IL3RA: variants seen among roughly 807,000 people sequenced by gnomAD.
The protein encoded by IL3RA is interleukin-3 receptor subunit alpha.
Under a neutral mutation model 52.3 loss-of-function variants are expected in IL3RA, and 73 were observed. The observed-to-expected ratio is 1.40, with a 90% CI of 1.16 to 1.70. IL3RA has a LOEUF of 1.70. Ranked by LOEUF, IL3RA falls within the 40% of genes most tolerant of loss-of-function variation. The pLI is 0.00. For missense variants in IL3RA, 664 were observed against 504.4 expected (o/e 1.32, Z -3.03); for synonymous variants, 260 against 194.0 (o/e 1.34, Z -2.83).
chrX:1,356,611 T>C (rs1362024984), intron 7 of IL3RA, among the ~76,000 whole-genome samples: 2 of 151,748 alleles, frequency 1.3e-5, no homozygotes, highest in Admixed American at 6.6e-5. Flanking sequence ...CTACTAAAAA[T>C]ACGAAAAAAA....
At chrX:1,343,800 T>C (rs1371500567) in intron 2 of IL3RA, among the ~76,000 whole-genome samples, 2 of 143,706 alleles carry the variant, frequency 1.4e-5, no homozygotes, top group African/African-American at 5.5e-5. Context: ...GAGACGGAGT[T>C]TTTTTGTTTT....
At chrX:1,378,001 G>A (rs1267935820) in intron 9 of IL3RA, among the ~76,000 whole-genome samples, 1 of 151,162 alleles carries the variant, frequency 6.6e-6, no homozygotes, top group Non-Finnish European at 1.5e-5. Flanking sequence ...GCCTAACGAA[G>A]ATGGTGAAAC....
chrX:1,366,462 G>C (rs2088048101), intron 9 of IL3RA, among the ~76,000 whole-genome samples: 1 of 75,594 alleles, frequency 1.3e-5, no homozygotes, highest in Non-Finnish European at 2.6e-5. Flanking sequence ...CGGGTGCGCG[G>C]GGTGAGCGGG....
intron 6 of IL3RA, among the ~76,000 whole-genome samples, chrX:1,353,583 TTC>T: frequency 1.1e-5 from 1 of 92,040 alleles, no homozygotes; most frequent in Non-Finnish European, 2.2e-5. Context: ...CCATCATGGG[TTC>T]CACATGGGAT....
At chrX:1,361,644 T>G (rs2087381678) in intron 8 of IL3RA, among the ~76,000 whole-genome samples, 4 of 151,102 alleles carry the variant, frequency 2.6e-5, no homozygotes, top group African/African-American at 9.7e-5. Flanking sequence ...TCCCAGCTAC[T>G]CGGGAGGCTG....
intron 6 of IL3RA, among the ~76,000 whole-genome samples, chrX:1,353,813 C>CCA (rs1556623627): frequency 5.6e-5 from 8 of 143,786 alleles, no homozygotes; most frequent in African/African-American, 2.1e-4. Context: ...GGACCCCCCC[C>CCA]ATCACGGGTT....
chrX:1,355,830 A>C (rs2149024275), intron 6 of IL3RA, among the ~76,000 whole-genome samples: 1 of 149,658 alleles, frequency 6.7e-6, no homozygotes, highest in East Asian at 2.1e-4. Flanking sequence ...GGCCCTGGGC[A>C]GGGGTGGGGA....
At chrX:1,356,163 A>G (rs1481158932) in intron 6 of IL3RA, 58 bp from the exon 7 acceptor site, 1 of 1,119,970 alleles carries the variant, frequency 8.9e-7, no homozygotes, top group Non-Finnish European at 1.3e-6. Context: ...AAAGAGAAAA[A>G]GAAAAAGAAT....
chrX:1,366,413 A>C (rs865910244), intron 9 of IL3RA, among the ~76,000 whole-genome samples: 6 of 8,580 alleles, frequency 7.0e-4, no homozygotes, highest in South Asian at 7.8e-3. Context: ...GCGCGGGGTG[A>C]GCGGGGTGCG....
chrX:1,356,431 T>C lies in IL3RA; in HGVS notation c.732+95T>C, dbSNP rs778876119. The C allele has an allele frequency of 3.1e-4, 220 of 700,024 alleles. 1 individual carries two copies. Among genetic ancestry groups the C allele is most frequent in the Admixed American group, 6.4e-4 (24 of 37,332 alleles). 43.4% of individuals were successfully genotyped at this position (700,024 alleles called of 1,614,324 possible). A position where few individuals can be genotyped will look rare whatever the true frequency, so the allele number is the denominator to read the frequency against. Reference sequence around the variant, plus strand: ...TGGGGCCTTGAAACGGGCAACAATCTCCTCTGATAACGTCACAGAAGGCAT... The same window carrying C: ...TGGGGCCTTGAAACGGGCAACAATCCCCTCTGATAACGTCACAGAAGGCAT... On this transcript the variant is annotated intron_variant, in intron 7 of 11. Transcript: ENST00000331035.
chrX:1,359,695 TCTCCCTCC>T (rs1270734171), intron 8 of IL3RA, among the ~76,000 whole-genome samples: 1 of 149,872 alleles, frequency 6.7e-6, no homozygotes, highest in Admixed American at 6.7e-5. Flanking sequence ...TTTCTCCCTT[TCTCCCTCC>T]ATCTCTCTCT....
chrX:1,363,071 C>G (rs1242139729), intron 8 of IL3RA, among the ~76,000 whole-genome samples: 3 of 151,664 alleles, frequency 2.0e-5, no homozygotes, highest in South Asian at 4.2e-4. Context: ...CCACCGCGCC[C>G]GGCCACGTCT....
intron 4 of IL3RA, among the ~76,000 whole-genome samples, chrX:1,350,636 T>C (rs1479654641): frequency 1.4e-5 from 2 of 146,344 alleles, no homozygotes; most frequent in African/African-American, 5.1e-5. Flanking sequence ...GCCCAGTGGC[T>C]CACACCTGTA....
chrX:1,361,688 G>T (rs1174668830), intron 8 of IL3RA, among the ~76,000 whole-genome samples: 5 of 150,092 alleles, frequency 3.3e-5, no homozygotes, highest in Non-Finnish European at 7.4e-5. Flanking sequence ...GGGAGGCAGA[G>T]GTTGCAGTGA....
At chrX:1,368,493 G>A (rs1302279928) in intron 9 of IL3RA, among the ~76,000 whole-genome samples, 1 of 152,170 alleles carries the variant, frequency 6.6e-6, no homozygotes, top group African/African-American at 2.4e-5. Flanking sequence ...GGCTGAGGCA[G>A]GAGAATCGCT....
intron 7 of IL3RA, among the ~76,000 whole-genome samples, chrX:1,357,379 G>C (rs1423661118): frequency 3.3e-5 from 5 of 151,256 alleles, no homozygotes; most frequent in Non-Finnish European, 5.9e-5. Context: ...TATTATTTTT[G>C]AGACGGAGTC....
intron 2 of IL3RA, among the ~76,000 whole-genome samples, chrX:1,344,045 T>C (rs189567196): frequency 0.024 from 3,660 of 152,040 alleles, 158 homozygotes; most frequent in African/African-American, 0.083. Context: ...CCGCCCACCT[T>C]GGCCTCCCAA....
At chrX:1,347,997 C>T (rs368245990) in intron 3 of IL3RA, among the ~76,000 whole-genome samples, 1 of 113,172 alleles carries the variant, frequency 8.8e-6, no homozygotes, top group Non-Finnish European at 1.9e-5. Context: ...AGATCGCGCC[C>T]CTGCACTCCA....
chrX:1,366,193 C>T, intron 9 of IL3RA, among the ~76,000 whole-genome samples: 1 of 308 alleles, frequency 3.2e-3, no homozygotes, highest in South Asian at 0.083. Flanking sequence ...GGGTGCGCGG[C>T]GTGAGCCGGG....
Sources: allele counts gnomAD v4.1 joint callset (sites outside exome capture counted in the v4.1 genomes callset), GRCh38; gene constraint gnomAD v4.1.1; transcripts MANE v1.5; gene names NCBI Gene and HGNC (gene_info 2026-07-23, HGNC 2026-07-21).